FAT3: variants seen among roughly 807,000 people sequenced by gnomAD.
FAT3 encodes FAT atypical cadherin 3, also known as protocadherin Fat 3.
In FAT3, 95 loss-of-function variants were observed where a neutral mutation model predicts 310.2. The ratio of observed to expected loss-of-function variants is 0.31; its 90% confidence interval spans 0.26 to 0.36. FAT3 has a LOEUF of 0.36. FAT3 is among the 10% of genes least tolerant of loss of function. FAT3 has a pLI of 1.00. For synonymous variants in FAT3, 2,314 were observed against 2,192.9 expected, an observed-to-expected ratio of 1.06 and a Z score of -1.54; for missense variants, 5,408 against 5,715.6, an observed-to-expected ratio of 0.95 and a Z score of 1.74.
chr11:92,382,910 G>A (rs1949531747), intron 2 of FAT3, among the ~76,000 whole-genome samples: 1 of 152,142 alleles, frequency 6.6e-6, no homozygotes, highest in Non-Finnish European at 1.5e-5. Flanking sequence ...GTGCCATGGT[G>A]GTTTGCTGCA....
chr11:92,338,610 G>A (rs939859924), intron 1 of FAT3, among the ~76,000 whole-genome samples: 4 of 152,210 alleles, frequency 2.6e-5, no homozygotes, highest in South Asian at 2.1e-4. Flanking sequence ...AAAATTATGC[G>A]AGCCTCTGGA....
chr11:92,415,474 G>A (rs1367219674), intron 2 of FAT3, among the ~76,000 whole-genome samples: 3 of 152,196 alleles, frequency 2.0e-5, no homozygotes, highest in Non-Finnish European at 2.9e-5. Flanking sequence ...CTGCATCACT[G>A]GAGCAGCAGG....
intron 2 of FAT3, among the ~76,000 whole-genome samples, chr11:92,469,060 A>G (rs1011845984): frequency 6.6e-6 from 1 of 152,210 alleles, no homozygotes; most frequent in Non-Finnish European, 1.5e-5. Context: ...ATTTCTCAGC[A>G]TGGGTTCATT....
chr11:92,756,624 A>G (rs1218966253), intron 4 of FAT3, among the ~76,000 whole-genome samples: 2 of 152,194 alleles, frequency 1.3e-5, no homozygotes, highest in Non-Finnish European at 2.9e-5. Flanking sequence ...GCAGTAGACA[A>G]GATCCAAGAT....
At chr11:92,555,282 C>A (rs1410617631) in intron 3 of FAT3, among the ~76,000 whole-genome samples, 1 of 152,154 alleles carries the variant, frequency 6.6e-6, no homozygotes, top group Admixed American at 6.5e-5. Flanking sequence ...TTAACGATTT[C>A]AATAGCTGAG....
At chr11:92,518,426 C>T (rs1953565916) in intron 2 of FAT3, among the ~76,000 whole-genome samples, 1 of 152,040 alleles carries the variant, frequency 6.6e-6, no homozygotes, top group African/African-American at 2.4e-5. Flanking sequence ...AAACCAGACC[C>T]TGCACGTTCT....
chr11:92,867,037 C>T lies in FAT3; in HGVS notation c.11955C>T (p.Cys3985=), dbSNP rs756611755. ...VTQVLSGFQG[C]LDSVILNNNE... The stretch of plus-strand genomic sequence containing the variant: ...AGGTGCTCAGCGGCTTCCAGGGCTG[C>T]CTGGACTCGGTGATACTGAATAACA... Residue 3985 remains cysteine (C), a synonymous_variant, in exon 22 of 28, where the codon TGC becomes TGT. Transcript: ENST00000525166. 5.0e-6 allele frequency: 8 copies of T among 1,590,528 alleles called. No homozygotes were observed. The East Asian group carries it at 1.8e-4, about 36-fold the overall frequency.
At chr11:92,524,969 CTTCT>C in intron 3 of FAT3, 21 bp downstream of exon 3, 1 of 1,594,446 alleles carries the variant, frequency 6.3e-7, no homozygotes, top group Non-Finnish European at 8.6e-7. Flanking sequence ...GCTTATATGA[CTTCT>C]TTTTAGTTTG....
chr11:92,847,495 C>T (rs377535237), intron 19 of FAT3, among the ~76,000 whole-genome samples: 5 of 152,126 alleles, frequency 3.3e-5, no homozygotes, highest in African/African-American at 7.2e-5. Flanking sequence ...AATTCATGAC[C>T]GTAATGTGAT....
At chr11:92,624,188 T>A (rs78279622) in intron 3 of FAT3, among the ~76,000 whole-genome samples, 70 of 152,258 alleles carry the variant, frequency 4.6e-4, no homozygotes, top group African/African-American at 1.6e-3. Flanking sequence ...AGGGAAAGCT[T>A]CTCAGAGAAG....
At chr11:92,648,302 C>T (rs1791561) in intron 3 of FAT3, among the ~76,000 whole-genome samples, 67 of 152,314 alleles carry the variant, frequency 4.4e-4, no homozygotes, top group African/African-American at 1.6e-3. Context: ...TCATTGACCC[C>T]ACTGAAAATC....
At chr11:92,884,123 G>C (rs1170372624) in intron 24 of FAT3, among the ~76,000 whole-genome samples, 1 of 152,202 alleles carries the variant, frequency 6.6e-6, no homozygotes, top group African/African-American at 2.4e-5. Flanking sequence ...ACAGGGAAGA[G>C]CCACAGGTGC....
chr11:92,652,316 A>G (rs148300326), intron 3 of FAT3, among the ~76,000 whole-genome samples: 237 of 152,290 alleles, frequency 1.6e-3, no homozygotes, highest in Non-Finnish European at 1.8e-3. Context: ...CAGGCCATAC[A>G]CATACATTGG....
intron 2 of FAT3, among the ~76,000 whole-genome samples, chr11:92,448,510 C>A (rs1951274736): frequency 6.6e-6 from 1 of 152,110 alleles, no homozygotes; most frequent in African/African-American, 2.4e-5. Context: ...GATGCAAAAT[C>A]TATATTATAA....
At chr11:92,759,568 A>C (rs758456203) in intron 4 of FAT3, among the ~76,000 whole-genome samples, 9 of 152,256 alleles carry the variant, frequency 5.9e-5, no homozygotes, top group Middle Eastern at 6.8e-3. Context: ...ACAGCTCTCC[A>C]AAGAAAAGAG....
chr11:92,410,723 A>G (rs966528860), intron 2 of FAT3, among the ~76,000 whole-genome samples: 1 of 152,138 alleles, frequency 6.6e-6, no homozygotes, highest in African/African-American at 2.4e-5. Flanking sequence ...TTCAACTGCA[A>G]CCAGCATGAT....
intron 7 of FAT3, among the ~76,000 whole-genome samples, chr11:92,789,467 G>A (rs1374061571): frequency 6.6e-6 from 1 of 152,084 alleles, no homozygotes; most frequent in Non-Finnish European, 1.5e-5. Context: ...ACAGGGCATG[G>A]ACACTGCCAC....
intron 21 of FAT3, among the ~76,000 whole-genome samples, chr11:92,864,888 T>C (rs1565660594): frequency 6.6e-6 from 1 of 152,216 alleles, no homozygotes; most frequent in Non-Finnish European, 1.5e-5. Flanking sequence ...TTCAGTCTTT[T>C]TACATTTGCA....
chr11:92,753,798 G>GTGTGTGTGTGTATATA, intron 4 of FAT3, among the ~76,000 whole-genome samples: 1 of 119,116 alleles, frequency 8.4e-6, no homozygotes, highest in African/African-American at 3.9e-5. Flanking sequence ...GTGTGTGTGT[G>GTGTGTGTGTGTATATA]TATATATATA....
Sources: allele counts gnomAD v4.1 joint callset (sites outside exome capture counted in the v4.1 genomes callset), GRCh38; gene constraint gnomAD v4.1.1; transcripts MANE v1.5; gene names NCBI Gene and HGNC (gene_info 2026-07-23, HGNC 2026-07-21).